STAB2: variants seen among roughly 807,000 people sequenced by gnomAD.
The protein encoded by STAB2 is stabilin 2, also known as stabilin-2.
Under a neutral mutation model 338.1 loss-of-function variants are expected in STAB2, and 288 were observed. The observed-to-expected ratio is 0.85, with a 90% CI of 0.77 to 0.94. The LOEUF is 0.94. Among genes scored for constraint, STAB2 ranks in the 40% least tolerant of loss-of-function variants. The pLI, the probability that STAB2 is intolerant of heterozygous loss-of-function variation, is 0.00. For missense variants in STAB2, 3,141 were observed against 3,210.1 expected (o/e 0.98, Z 0.52); for synonymous variants, 1,202 against 1,193.3 (o/e 1.01, Z -0.15).
At chr12:103,611,903 A>C (rs1438493562) in intron 3 of STAB2, among the ~76,000 whole-genome samples, 1 of 152,074 alleles carries the variant, frequency 6.6e-6, no homozygotes, top group Non-Finnish European at 1.5e-5. Flanking sequence ...ATCTCTCAGC[A>C]TTTGCTTGTC....
chr12:103,766,346 C>A lies in STAB2; in HGVS notation c.*10C>A. ...CTTGAGGACACTGTGAGGGCCTGGA[C>A]GGGAGATGCCAGCCATCACTCACTG... On this transcript the variant is annotated 3_prime_UTR_variant, in exon 69 of 69. Transcript: ENST00000388887. The A allele has an allele frequency of 1.9e-6, 3 of 1,601,756 alleles. No homozygotes were observed. The highest frequency in any genetic ancestry group is 1.1e-5 in the South Asian group (1 of 89,404).
intron 15 of STAB2, among the ~76,000 whole-genome samples, chr12:103,657,294 G>A (rs1337222415): frequency 6.6e-6 from 1 of 150,864 alleles, no homozygotes; most frequent in African/African-American, 2.4e-5. Flanking sequence ...AGATTATGTG[G>A]CCTCCCTGAG....
At chr12:103,663,740 G>T (rs1037862000) in intron 18 of STAB2, among the ~76,000 whole-genome samples, 1 of 152,166 alleles carries the variant, frequency 6.6e-6, no homozygotes, top group South Asian at 2.1e-4. Flanking sequence ...AATTACATCT[G>T]CAAAGACCTT....
At chr12:103,659,992 T>C (rs527966489) in intron 15 of STAB2, among the ~76,000 whole-genome samples, 2 of 152,268 alleles carry the variant, frequency 1.3e-5, no homozygotes, top group Non-Finnish European at 2.9e-5. Context: ...CCTGGGCTAA[T>C]TCTTAGGCTC....
At chr12:103,591,925 C>A (rs1179968439) in intron 2 of STAB2, among the ~76,000 whole-genome samples, 2 of 152,116 alleles carry the variant, frequency 1.3e-5, no homozygotes, top group Non-Finnish European at 2.9e-5. Flanking sequence ...AATGAGTTTG[C>A]TTTTAATTCC....
Position 103,703,158 on chromosome 12 carries a change from A to G in STAB2, c.3725A>G (p.Asn1242Ser). Reference sequence around the variant, plus strand: ...CCCTGTTGTTCACAGCTCTATGTAAATGAGGCTCCAATAAACTACACCAAT... The same window carrying G: ...CCCTGTTGTTCACAGCTCTATGTAAGTGAGGCTCCAATAAACTACACCAAT... ...FFLHNDQLYV[N>S]EAPINYTNVA... is the part of the protein sequence containing the mutation. The change falls in exon 35 of 69, where the codon AAT (asparagine) becomes AGT (serine). Residue 1242 changes from asparagine to serine, a missense_variant. Asn to Ser is a conservative substitution (Grantham distance 46). Transcript: ENST00000388887. 6.2e-7 allele frequency: 1 copy of G among 1,613,638 alleles called. No individual in the cohort carries two copies. Among genetic ancestry groups the G allele is most frequent in the South Asian group, 1.1e-5 (1 of 90,890 alleles).
chr12:103,612,087 A>C (rs1201659326), intron 3 of STAB2, among the ~76,000 whole-genome samples: 2 of 151,924 alleles, frequency 1.3e-5, no homozygotes, highest in Non-Finnish European at 2.9e-5. Context: ...TCTTTGTGTA[A>C]CCCGACCTTT....
At chr12:103,727,717 G>A (rs1732064385) in intron 47 of STAB2, among the ~76,000 whole-genome samples, 1 of 152,200 alleles carries the variant, frequency 6.6e-6, no homozygotes, top group African/African-American at 2.4e-5. Flanking sequence ...ATTTATCAGA[G>A]CCTTTACTGT....
chr12:103,622,685 T>C (rs916671885), intron 5 of STAB2, among the ~76,000 whole-genome samples: 1 of 152,234 alleles, frequency 6.6e-6, no homozygotes, highest in African/African-American at 2.4e-5. Context: ...AGCTGTTAAA[T>C]GCAGTCATTG....
At chr12:103,736,012 G>A (rs551077185) in intron 52 of STAB2, among the ~76,000 whole-genome samples, 33 of 152,286 alleles carry the variant, frequency 2.2e-4, no homozygotes, top group Middle Eastern at 6.8e-3. Flanking sequence ...TCAGCCAACT[G>A]AGAGGTTTGC....
At chr12:103,761,647 G>T (rs777568109) in intron 66 of STAB2, among the ~76,000 whole-genome samples, 8 of 152,142 alleles carry the variant, frequency 5.3e-5, no homozygotes, top group Non-Finnish European at 7.4e-5. Flanking sequence ...TTGAATGAAA[G>T]GGGGAGGATG....
At chr12:103,708,571 C>G (rs1879573218) in intron 39 of STAB2, 35 bp downstream of exon 39, 4 of 1,588,540 alleles carry the variant, frequency 2.5e-6, no homozygotes, top group South Asian at 1.1e-5. Context: ...ATAATCTGCT[C>G]TAAGCTTTGC....
Position 103,705,621 on chromosome 12 carries a change from A to C in STAB2, c.3901-11A>C. On this transcript the variant is annotated splice_polypyrimidine_tract_variant and intron_variant, in intron 36 of 68. Coordinates refer to ENST00000388887, the MANE Select transcript of STAB2 (RefSeq NM_017564.10). ...AACTTAGGAGCTGACGTAGTCATTAATATTTCACAGGGTAATGAGAAGAGG... is the reference window on the plus strand; with the variant it reads ...AACTTAGGAGCTGACGTAGTCATTACTATTTCACAGGGTAATGAGAAGAGG... 6.2e-7 allele frequency: 1 copy of C among 1,613,698 alleles called. No homozygotes were observed. The highest frequency in any genetic ancestry group is 8.5e-7 in the Non-Finnish European group (1 of 1,179,582).
chr12:103,604,236 C>T (rs1422018168), intron 3 of STAB2, among the ~76,000 whole-genome samples: 1 of 151,904 alleles, frequency 6.6e-6, no homozygotes, highest in Non-Finnish European at 1.5e-5. Flanking sequence ...ATGTATTTAT[C>T]AGTTTTGTAT....
intron 12 of STAB2, among the ~76,000 whole-genome samples, chr12:103,652,914 G>C (rs1018237495): frequency 1.3e-5 from 2 of 152,188 alleles, no homozygotes; most frequent in African/African-American, 4.8e-5. Context: ...ATGCAAATGG[G>C]GTTACAAAGT....
chr12:103,670,939 T>C, intron 22 of STAB2, 132 bp downstream of exon 22: 1 of 709,580 alleles, frequency 1.4e-6, no homozygotes, highest in Non-Finnish European at 2.4e-6. Flanking sequence ...AGAGCATTCA[T>C]TAAGCTTTGG....
At chr12:103,642,274 G>T (rs150757842) in intron 9 of STAB2, among the ~76,000 whole-genome samples, 37 of 152,304 alleles carry the variant, frequency 2.4e-4, no homozygotes, top group African/African-American at 8.2e-4. Context: ...ATAGATGTAG[G>T]AAGTAAGGGA....
At chr12:103,701,015 C>G (rs913196018) in intron 34 of STAB2, among the ~76,000 whole-genome samples, 1 of 146,510 alleles carries the variant, frequency 6.8e-6, no homozygotes. Flanking sequence ...GCCCCCACCC[C>G]ACAACAGTCC....
At chr12:103,638,352 T>C in intron 8 of STAB2, 140 bp downstream of exon 8, 1 of 918,712 alleles carries the variant, frequency 1.1e-6, no homozygotes, top group Non-Finnish European at 1.6e-6. Context: ...CAGTCCTCCA[T>C]GTGCTCAGAG....
Sources: allele counts gnomAD v4.1 joint callset (sites outside exome capture counted in the v4.1 genomes callset), GRCh38; gene constraint gnomAD v4.1.1; transcripts MANE v1.5; gene names NCBI Gene and HGNC (gene_info 2026-07-23, HGNC 2026-07-21).